The following NRF1 variants were observed in gnomAD, a reference collection of about 807,000 sequenced individuals.
NRF1 encodes alpha palindromic-binding protein.
A neutral mutation model predicts 58.5 loss-of-function variants in NRF1; 5 were observed. That is an observed-to-expected ratio of 0.09 (90% CI 0.04 to 0.18). The LOEUF is 0.18. NRF1 is among the 10% of genes least tolerant of loss of function. The pLI, the probability that NRF1 is intolerant of heterozygous loss-of-function variation, is 1.00. For missense variants in NRF1, 288 were observed against 657.7 expected (o/e 0.44, Z 6.15); for synonymous variants, 224 against 246.7 (o/e 0.91, Z 0.86).
chr7:129,640,064 A>C (rs1476154336), intron 1 of NRF1, among the ~76,000 whole-genome samples: 1 of 152,100 alleles, frequency 6.6e-6, no homozygotes, highest in Non-Finnish European at 1.5e-5. Context: ...CAGACCTCTC[A>C]GTTTGTGGGA....
intron 1 of NRF1, among the ~76,000 whole-genome samples, chr7:129,634,039 A>G (rs796113441): frequency 1.1e-5 from 1 of 89,446 alleles, no homozygotes; most frequent in Non-Finnish European, 2.2e-5. Context: ...TAAAAAAAAA[A>G]AAAGATATAT....
At chr7:129,732,782 A>G (rs1461213211) in intron 10 of NRF1, among the ~76,000 whole-genome samples, 1 of 151,894 alleles carries the variant, frequency 6.6e-6, no homozygotes, top group Non-Finnish European at 1.5e-5. Flanking sequence ...TTGTATTTTC[A>G]GTAGAGACAG....
chr7:129,742,165 T>C (rs1353710120), intron 10 of NRF1, among the ~76,000 whole-genome samples: 1 of 152,070 alleles, frequency 6.6e-6, no homozygotes, highest in East Asian at 1.9e-4. Flanking sequence ...GGTTTTGCTT[T>C]GTCAGCACAA....
At chr7:129,713,336 G>A (rs1803119640) in intron 8 of NRF1, among the ~76,000 whole-genome samples, 2 of 152,068 alleles carry the variant, frequency 1.3e-5, no homozygotes, top group Admixed American at 1.3e-4. Flanking sequence ...TGATCCGCCT[G>A]CCTTGGCCTC....
At chr7:129,678,711 G>A (rs1802239412) in intron 4 of NRF1, among the ~76,000 whole-genome samples, 1 of 152,118 alleles carries the variant, frequency 6.6e-6, no homozygotes, top group Admixed American at 6.6e-5. Context: ...TGACAAACAT[G>A]AAATCTGGGC....
chr7:129,656,809 T>G (rs529615469), intron 1 of NRF1, among the ~76,000 whole-genome samples: 12 of 152,294 alleles, frequency 7.9e-5, no homozygotes, highest in Non-Finnish European at 1.6e-4. Flanking sequence ...ACTCCTGACC[T>G]CAGATGATCC....
intron 8 of NRF1, among the ~76,000 whole-genome samples, chr7:129,714,039 G>C (rs1386851004): frequency 6.6e-6 from 1 of 152,164 alleles, no homozygotes. Flanking sequence ...CTTTCTTTGG[G>C]GAAGGGAGTG....
At chr7:129,628,417 CTG>C (rs998488208) in intron 1 of NRF1, among the ~76,000 whole-genome samples, 7 of 152,016 alleles carry the variant, frequency 4.6e-5, no homozygotes, top group East Asian at 1.9e-4. Context: ...GAAATTAAAA[CTG>C]AGAAAATTTA....
intron 3 of NRF1, among the ~76,000 whole-genome samples, chr7:129,674,408 A>C (rs952744667): frequency 3.3e-5 from 5 of 152,036 alleles, no homozygotes; most frequent in East Asian, 1.9e-4. Flanking sequence ...TATCTAAAAA[A>C]AAAAAGCAAT....
chr7:129,620,958 A>G (rs1044918512), intron 1 of NRF1, among the ~76,000 whole-genome samples: 4 of 152,338 alleles, frequency 2.6e-5, no homozygotes, highest in Admixed American at 6.5e-5. Flanking sequence ...TTTCTGAAAT[A>G]TGACGATTAT....
chr7:129,628,378 T>G (rs1362776001), intron 1 of NRF1, among the ~76,000 whole-genome samples: 1 of 152,100 alleles, frequency 6.6e-6, no homozygotes, highest in Non-Finnish European at 1.5e-5. Flanking sequence ...CTTTTATTTA[T>G]GTATGTTATA....
At chr7:129,697,298 C>G (rs183843137) in intron 5 of NRF1, among the ~76,000 whole-genome samples, 1 of 151,810 alleles carries the variant, frequency 6.6e-6, no homozygotes, top group East Asian at 1.9e-4. Context: ...AATCCCAGCA[C>G]TTTGGGAGGC....
chr7:129,614,095 A>T (rs978901969), intron 1 of NRF1, among the ~76,000 whole-genome samples: 1 of 152,062 alleles, frequency 6.6e-6, no homozygotes, highest in Admixed American at 6.6e-5. Context: ...CAAGTCGGCA[A>T]TTTTTGTGGA....
chr7:129,619,433 T>TACACACACACACACACAC (rs754223551), intron 1 of NRF1, among the ~76,000 whole-genome samples: 11 of 65,844 alleles, frequency 1.7e-4, no homozygotes, highest in African/African-American at 8.2e-4. Context: ...TATATATATA[T>TACACACACACACACACAC]ACACACACAC....
chr7:129,727,198 G>T, intron 9 of NRF1, 43 bp from the exon 10 acceptor site: 1 of 1,539,812 alleles, frequency 6.5e-7, no homozygotes, highest in Non-Finnish European at 8.7e-7. Flanking sequence ...CTGCAGTGCT[G>T]TTCCTCTATT....
chr7:129,634,811 G>A (rs1339690927), intron 1 of NRF1, among the ~76,000 whole-genome samples: 1 of 152,106 alleles, frequency 6.6e-6, no homozygotes, highest in South Asian at 2.1e-4. Flanking sequence ...CAGGTTGCTC[G>A]TGTGTTTTTC....
intron 1 of NRF1, among the ~76,000 whole-genome samples, chr7:129,614,854 A>G (rs918092387): frequency 3.3e-5 from 5 of 152,198 alleles, no homozygotes; most frequent in Admixed American, 6.6e-5. Context: ...CCAACTTCCC[A>G]TGATTTAAAT....
At chr7:129,612,624 G>A (rs1452437225) in intron 1 of NRF1, among the ~76,000 whole-genome samples, 1 of 152,208 alleles carries the variant, frequency 6.6e-6, no homozygotes, top group African/African-American at 2.4e-5. Flanking sequence ...CTGGGGTGGT[G>A]GTCCCCTGGG....
At chr7:129,676,262 A>G (rs1175432481) in intron 3 of NRF1, among the ~76,000 whole-genome samples, 1 of 152,236 alleles carries the variant, frequency 6.6e-6, no homozygotes, top group Non-Finnish European at 1.5e-5. Context: ...ATTTCCCTCA[A>G]GGACTTTTCT....
Sources: gnomAD v4.1 joint callset for allele counts (sites outside exome capture counted in the v4.1 genomes callset) on GRCh38, gnomAD v4.1.1 for gene constraint, MANE v1.5 for transcripts, NCBI Gene and HGNC (gene_info 2026-07-23, HGNC 2026-07-21) for gene names.